CTNNA3: variants seen among roughly 807,000 people sequenced by gnomAD.
CTNNA3 encodes catenin alpha 3, also known as catenin alpha-3.
CTNNA3 carries 76 observed loss-of-function variants against 95.7 expected under a neutral mutation model. That is an observed-to-expected ratio of 0.79 (90% confidence interval 0.66 to 0.96). The LOEUF (loss-of-function observed/expected upper bound fraction) is 0.96. Among genes scored for constraint, CTNNA3 ranks in the 40% least tolerant of loss-of-function variants. The pLI is 0.00. For synonymous variants in CTNNA3, 431 were observed against 374.4 expected (o/e 1.15, Z -1.74); for missense variants, 1,191 against 1,089.8 (o/e 1.09, Z -1.31).
At chr10:66,727,151 T>TA (rs1378847771) in intron 9 of CTNNA3, among the ~76,000 whole-genome samples, 2 of 152,060 alleles carry the variant, frequency 1.3e-5, no homozygotes, top group African/African-American at 4.8e-5. Context: ...AGGCAAAGGC[T>TA]AAATAACCAC....
At chr10:66,118,654 G>T (rs1267187508) in intron 13 of CTNNA3, among the ~76,000 whole-genome samples, 1 of 151,944 alleles carries the variant, frequency 6.6e-6, no homozygotes, top group African/African-American at 2.4e-5. Context: ...TTTTCTCCCT[G>T]CAGATCTCAT....
intron 7 of CTNNA3, among the ~76,000 whole-genome samples, chr10:66,826,177 C>T (rs925160227): frequency 1.3e-5 from 2 of 152,104 alleles, no homozygotes; most frequent in Non-Finnish European, 2.9e-5. Flanking sequence ...GTCAATCTTA[C>T]GAAAATTGTA....
chr10:67,489,665 C>T (rs901177050), intron 5 of CTNNA3, among the ~76,000 whole-genome samples: 4 of 151,526 alleles, frequency 2.6e-5, no homozygotes, highest in African/African-American at 9.7e-5. Flanking sequence ...TGCAACAAAA[C>T]CAATTAGCAG....
intron 5 of CTNNA3, among the ~76,000 whole-genome samples, chr10:67,416,833 A>G (rs1446833964): frequency 6.6e-6 from 1 of 152,182 alleles, no homozygotes; most frequent in Non-Finnish European, 1.5e-5. Flanking sequence ...GGAAATGCTT[A>G]TACTCTGCTG....
At chr10:67,237,120 G>GTA (rs1491319724) in intron 5 of CTNNA3, among the ~76,000 whole-genome samples, 255 of 15,614 alleles carry the variant, frequency 0.016, 8 homozygotes, top group Non-Finnish European at 0.022. Context: ...AGAAACTATG[G>GTA]TGTATGTATA....
intron 8 of CTNNA3, among the ~76,000 whole-genome samples, chr10:66,771,274 T>A (rs933549791): frequency 2.0e-5 from 3 of 152,194 alleles, no homozygotes; most frequent in Non-Finnish European, 4.4e-5. Flanking sequence ...TTAGCCTGCC[T>A]TTAGTGAAAT....
At chr10:67,037,902 A>G (rs936391281) in intron 7 of CTNNA3, among the ~76,000 whole-genome samples, 1 of 152,168 alleles carries the variant, frequency 6.6e-6, no homozygotes, top group Non-Finnish European at 1.5e-5. Context: ...ATTTAAAAGA[A>G]GGTCCAGGAC....
intron 14 of CTNNA3, among the ~76,000 whole-genome samples, chr10:66,099,592 C>T (rs1301755811): frequency 6.6e-6 from 1 of 152,034 alleles, no homozygotes; most frequent in Non-Finnish European, 1.5e-5. Flanking sequence ...GGCCATCTGT[C>T]TCATAAACTT....
chr10:67,607,867 A>G (rs1189574724), intron 2 of CTNNA3, among the ~76,000 whole-genome samples: 1 of 152,262 alleles, frequency 6.6e-6, no homozygotes, highest in Non-Finnish European at 1.5e-5. Context: ...TATTTACTGA[A>G]CACCTATTTT....
At chr10:66,888,212 C>T in intron 7 of CTNNA3, among the ~76,000 whole-genome samples, 1 of 152,226 alleles carries the variant, frequency 6.6e-6, no homozygotes, top group East Asian at 1.9e-4. Context: ...AGATAAAGGC[C>T]TCAAGAAGCT....
intron 13 of CTNNA3, among the ~76,000 whole-genome samples, chr10:66,231,494 T>C (rs2089588676): frequency 1.3e-5 from 2 of 152,146 alleles, no homozygotes; most frequent in African/African-American, 4.8e-5. Flanking sequence ...CCTTCCAGAA[T>C]ATGGAGGTTT....
chr10:67,522,201 TA>T, intron 4 of CTNNA3, among the ~76,000 whole-genome samples: 1 of 152,296 alleles, frequency 6.6e-6, no homozygotes, highest in Non-Finnish European at 1.5e-5. Flanking sequence ...GTCCTCATTC[TA>T]ACAAAAGAGC....
chr10:66,677,483 C>T (rs543001166), intron 9 of CTNNA3, among the ~76,000 whole-genome samples: 1 of 152,054 alleles, frequency 6.6e-6, no homozygotes, highest in Non-Finnish European at 1.5e-5. Context: ...GCTGTGTTCC[C>T]ACCCAAATCT....
intron 13 of CTNNA3, among the ~76,000 whole-genome samples, chr10:66,162,417 TC>T (rs2084900904): frequency 6.6e-6 from 1 of 152,106 alleles, no homozygotes; most frequent in South Asian, 2.1e-4. Context: ...GTAGTTATTC[TC>T]CCCCTTTTCC....
chr10:66,819,204 T>C (rs1842211131), intron 7 of CTNNA3, among the ~76,000 whole-genome samples: 1 of 151,904 alleles, frequency 6.6e-6, no homozygotes, highest in Non-Finnish European at 1.5e-5. Flanking sequence ...TTTGGTCAAT[T>C]GATATTTAGA....
intron 11 of CTNNA3, among the ~76,000 whole-genome samples, chr10:66,387,717 T>C (rs2092904228): frequency 6.6e-6 from 1 of 152,124 alleles, no homozygotes; most frequent in Admixed American, 6.6e-5. Context: ...AATGATAGAC[T>C]GGATTAAGAA....
upstream of CTNNA3, among the ~76,000 whole-genome samples, chr10:67,700,345 AC>A (rs1329660903): frequency 6.6e-6 from 1 of 151,752 alleles, no homozygotes; most frequent in Non-Finnish European, 1.5e-5. Context: ...TGACCCCTTG[AC>A]CCCCGAGCAG....
chr10:66,693,224 C>T (rs185173397), intron 9 of CTNNA3, among the ~76,000 whole-genome samples: 39 of 152,072 alleles, frequency 2.6e-4, no homozygotes, highest in African/African-American at 6.5e-4. Flanking sequence ...CCATCTCACA[C>T]GCAGAGACAC....
chr10:67,494,938 T>G (rs531870418), intron 5 of CTNNA3, among the ~76,000 whole-genome samples: 1 of 152,308 alleles, frequency 6.6e-6, no homozygotes, highest in African/African-American at 2.4e-5. Context: ...CAGTTAAATT[T>G]CACTTTCAAA....
Sources: allele counts gnomAD v4.1 joint callset (sites outside exome capture counted in the v4.1 genomes callset), GRCh38; gene constraint gnomAD v4.1.1; transcripts MANE v1.5; gene names NCBI Gene and HGNC (gene_info 2026-07-23, HGNC 2026-07-21).